SLC24A2: variants seen among roughly 807,000 people sequenced by gnomAD.
SLC24A2 encodes sodium/potassium/calcium exchanger 2.
SLC24A2 carries 36 observed loss-of-function variants against 62.0 expected under a neutral mutation model. The observed-to-expected ratio is 0.58, with a 90% confidence interval of 0.44 to 0.77. The LOEUF (loss-of-function observed/expected upper bound fraction) is 0.77. Among genes scored for constraint, SLC24A2 ranks in the 30% least tolerant of loss-of-function variants. The probability of loss-of-function intolerance (pLI) is 0.00; values close to 1 mark genes in which losing one functional copy is unlikely to be tolerated. For missense variants in SLC24A2, 846 were observed against 817.9 expected (o/e 1.03, Z -0.42); for synonymous variants, 358 against 294.0 (o/e 1.22, Z -2.23).
At position 19,725,272 on chromosome 9, in the gene SLC24A2, T is replaced by G. The variant is rs117319027; in HGVS notation, c.930+60665A>C. Among the ~76,000 whole-genome samples the G allele has an allele frequency of 2.4e-3, 372 of 152,312 alleles. 1 individual carries two copies. The highest frequency in any genetic ancestry group is 4.5e-3 in the Non-Finnish European group (309 of 68,034). On this transcript the variant is annotated intron_variant, in intron 2 of 10. Transcript: ENST00000341998. The stretch of plus-strand genomic sequence containing the variant: ...GGGCTGAGAAACCCTGATTATATCC[T>G]GCACACTGTACATCTGGTAAGTGGT...
chr9:19,985,301 C>G, the SLC24A2 span, among the ~76,000 whole-genome samples: 1 of 152,070 alleles, frequency 6.6e-6, no homozygotes, highest in Non-Finnish European at 1.5e-5. Flanking sequence ...ATGTACATAG[C>G]AACTTCATTC....
the SLC24A2 span, among the ~76,000 whole-genome samples, chr9:19,915,985 G>C: frequency 6.6e-6 from 1 of 151,862 alleles, no homozygotes; most frequent in Non-Finnish European, 1.5e-5. Flanking sequence ...CTAACCAAAG[G>C]TCATAAAGCT....
At chr9:20,126,373 AT>A in the SLC24A2 span, among the ~76,000 whole-genome samples, 32 of 150,102 alleles carry the variant, frequency 2.1e-4, no homozygotes, top group South Asian at 1.3e-3. Flanking sequence ...TGACTTTTAG[AT>A]TTTTTTTTTC....
chr9:19,994,237 G>C, the SLC24A2 span, among the ~76,000 whole-genome samples: 1 of 152,124 alleles, frequency 6.6e-6, no homozygotes, highest in Non-Finnish European at 1.5e-5. Context: ...GCTGTCCTCT[G>C]CTGCCAATTG....
the SLC24A2 span, among the ~76,000 whole-genome samples, chr9:19,969,108 G>C: frequency 3.3e-5 from 5 of 150,814 alleles, no homozygotes; most frequent in Non-Finnish European, 7.4e-5. Flanking sequence ...AAGGCTTCTT[G>C]TGTTTTAAAC....
chr9:20,016,194 G>A, the SLC24A2 span, among the ~76,000 whole-genome samples: 44 of 152,126 alleles, frequency 2.9e-4, 1 homozygote, highest in African/African-American at 9.2e-4. Context: ...ATTTCTATGG[G>A]ACCAAAATAT....
chr9:19,557,069 G>A (rs1835128242), intron 7 of SLC24A2, among the ~76,000 whole-genome samples: 1 of 152,174 alleles, frequency 6.6e-6, no homozygotes, highest in Admixed American at 6.5e-5. Flanking sequence ...GGGAACCTGA[G>A]ATGGAGTGAC....
intron 2 of SLC24A2, among the ~76,000 whole-genome samples, chr9:19,777,186 A>G (rs772599320): frequency 5.9e-5 from 9 of 152,248 alleles, no homozygotes; most frequent in Non-Finnish European, 1.0e-4. Context: ...TAGCTTTAAA[A>G]TTGACACAAA....
the SLC24A2 span, among the ~76,000 whole-genome samples, chr9:19,904,309 C>G: frequency 6.6e-6 from 1 of 152,186 alleles, no homozygotes; most frequent in East Asian, 1.9e-4. Flanking sequence ...CTCTGCCTCT[C>G]TCCTCTAACC....
chr9:19,597,334 CTT>C (rs1488448114), intron 4 of SLC24A2, 55 bp from the exon 5 acceptor site: 2 of 1,197,584 alleles, frequency 1.7e-6, no homozygotes, highest in African/African-American at 3.0e-5. Flanking sequence ...AATGCAAGAA[CTT>C]TGTTTTTACA....
intron 7 of SLC24A2, among the ~76,000 whole-genome samples, chr9:19,569,277 G>C (rs771152335): frequency 6.6e-6 from 1 of 152,226 alleles, no homozygotes; most frequent in African/African-American, 2.4e-5. Flanking sequence ...CTGCAGGCCA[G>C]ATTTGGCCTG....
chr9:19,994,992 T>C, the SLC24A2 span, among the ~76,000 whole-genome samples: 1 of 151,936 alleles, frequency 6.6e-6, no homozygotes, highest in East Asian at 1.9e-4. Context: ...TCATGGACAT[T>C]GAATTTCAGT....
chr9:20,242,762 T>A, the SLC24A2 span, among the ~76,000 whole-genome samples: 1 of 152,204 alleles, frequency 6.6e-6, no homozygotes, highest in African/African-American at 2.4e-5. Context: ...GAAGGAAACA[T>A]TGCTCCATTA....
intron 2 of SLC24A2, among the ~76,000 whole-genome samples, chr9:19,726,927 G>T (rs1354454989): frequency 6.6e-6 from 1 of 152,154 alleles, no homozygotes; most frequent in Non-Finnish European, 1.5e-5. Flanking sequence ...ATGTCAGAAA[G>T]ATGGTATTTT....
At chr9:20,273,913 T>C in the SLC24A2 span, among the ~76,000 whole-genome samples, 1 of 152,206 alleles carries the variant, frequency 6.6e-6, no homozygotes, top group Non-Finnish European at 1.5e-5. Flanking sequence ...TAGATACAAT[T>C]TAAATAATTC....
chr9:19,968,678 C>A, the SLC24A2 span, among the ~76,000 whole-genome samples: 2 of 152,288 alleles, frequency 1.3e-5, no homozygotes, highest in South Asian at 4.1e-4. Context: ...CAAGGTCACA[C>A]AGCCAGCTGT....
At chr9:19,674,407 T>C (rs1257622427) in intron 2 of SLC24A2, among the ~76,000 whole-genome samples, 2 of 152,224 alleles carry the variant, frequency 1.3e-5, no homozygotes. Flanking sequence ...TTTAGATGTC[T>C]AAATCTCTAG....
intron 2 of SLC24A2, among the ~76,000 whole-genome samples, chr9:19,714,388 C>G (rs995949576): frequency 1.3e-5 from 2 of 152,158 alleles, no homozygotes; most frequent in Admixed American, 1.3e-4. Flanking sequence ...GAATCAAAAA[C>G]CAAGAGCAGC....
At chr9:19,629,655 A>G (rs1168592293) in intron 2 of SLC24A2, among the ~76,000 whole-genome samples, 1 of 152,212 alleles carries the variant, frequency 6.6e-6, no homozygotes, top group East Asian at 1.9e-4. Flanking sequence ...ATAGCTCAGC[A>G]GTAGGTGGGA....
Sources: gnomAD v4.1 joint callset for allele counts (sites outside exome capture counted in the v4.1 genomes callset) on GRCh38, gnomAD v4.1.1 for gene constraint, MANE v1.5 for transcripts, NCBI Gene and HGNC (gene_info 2026-07-23, HGNC 2026-07-21) for gene names.